Variants in B4GALT1 observed in about 807,000 individuals in gnomAD.
B4GALT1 encodes beta-1,4-galactosyltransferase 1.
In B4GALT1, 16 loss-of-function variants were observed where a neutral mutation model predicts 34.9. The ratio of observed to expected loss-of-function variants is 0.46; its 90% confidence interval spans 0.31 to 0.70. B4GALT1 has a LOEUF of 0.70. Ranked by LOEUF, B4GALT1 falls within the 30% of genes least tolerant of loss-of-function variation. B4GALT1 has a pLI of 0.05. For synonymous variants in B4GALT1, 221 were observed against 218.1 expected (o/e 1.01, Z -0.12); for missense variants, 445 against 530.5 (o/e 0.84, Z 1.58).
intron 5 of B4GALT1, 67 bp downstream of exon 5, chr9:33,113,705 CCA>C: frequency 6.2e-7 from 1 of 1,607,850 alleles, no homozygotes; most frequent in Non-Finnish European, 8.5e-7. Context: ...CCCTCTAGGC[CCA>C]GAGCCTCGGA....
At chr9:33,119,114 G>C (rs1216346462) in intron 3 of B4GALT1, among the ~76,000 whole-genome samples, 1 of 152,142 alleles carries the variant, frequency 6.6e-6, no homozygotes, top group Non-Finnish European at 1.5e-5. Flanking sequence ...TGCCCGCCTC[G>C]GCCTCCCAAA....
intron 1 of B4GALT1, among the ~76,000 whole-genome samples, chr9:33,148,093 C>T (rs1022226507): frequency 2.6e-5 from 4 of 151,874 alleles, no homozygotes; most frequent in African/African-American, 9.7e-5. Context: ...TCTGCAATGT[C>T]TGAGACCAGG....
rs146996656 is a variant in B4GALT1, at chr9:33,135,324, G to C, written c.513C>G (p.Asp171Glu). The C allele has an allele frequency of 6.1e-5, 99 of 1,614,224 alleles. No individual in the cohort carries two copies. The South Asian group carries it at 9.2e-4, about 15-fold the overall frequency. Reference protein sequence around the residue: ...VKMGGRYAPRDCVSPHKVAII... With the variant: ...VKMGGRYAPRECVSPHKVAII... The stretch of plus-strand genomic sequence containing the variant: ...TGGCCACCTTGTGAGGAGAGACGCA[G>C]TCCCTGGGGGCATAGCGGCCGCCCA... The change falls in exon 2 of 6, where the codon GAC becomes GAG. Residue 171 changes from aspartate to glutamate, a missense_variant. Around this residue, in one of 3 missense-constraint regions of B4GALT1, gnomAD observed 349 missense variants for 395.5 expected, o/e 0.88. Transcript: ENST00000379731.
chr9:33,121,041 T>C (rs1587730288), intron 2 of B4GALT1, among the ~76,000 whole-genome samples: 2 of 152,198 alleles, frequency 1.3e-5, no homozygotes, highest in East Asian at 3.9e-4. Context: ...CCAGGAAAGG[T>C]ATCCAGGAAA....
intron 1 of B4GALT1, among the ~76,000 whole-genome samples, chr9:33,165,903 G>A (rs1224370683): frequency 6.6e-6 from 1 of 152,130 alleles, no homozygotes; most frequent in South Asian, 2.1e-4. Flanking sequence ...AGATCATCTG[G>A]GCAAGATAAT....
chr9:33,180,020 T>C, the B4GALT1 span: 9 of 152,192 alleles, frequency 5.9e-5, no homozygotes, highest in Non-Finnish European at 1.2e-4. Context: ...AGATCAGCCA[T>C]GTACCTTCTC....
chr9:33,124,236 G>A (rs1450145990), intron 2 of B4GALT1, among the ~76,000 whole-genome samples: 2 of 152,174 alleles, frequency 1.3e-5, no homozygotes, highest in Non-Finnish European at 2.9e-5. Flanking sequence ...CACAAGAGGC[G>A]GGAAGACGCC....
chr9:33,134,024 T>A (rs1047696652), intron 2 of B4GALT1, among the ~76,000 whole-genome samples: 39 of 152,206 alleles, frequency 2.6e-4, no homozygotes, highest in Admixed American at 2.4e-3. Flanking sequence ...GCAGCCACCA[T>A]CCAATCACAG....
At chr9:33,173,671 T>A in the B4GALT1 span, among the ~76,000 whole-genome samples, 1 of 151,014 alleles carries the variant, frequency 6.6e-6, no homozygotes, top group African/African-American at 2.4e-5. Flanking sequence ...CATGAGCACA[T>A]CTAGCAGCCA....
At chr9:33,116,553 C>T (rs1839943063) in intron 3 of B4GALT1, among the ~76,000 whole-genome samples, 1 of 127,752 alleles carries the variant, frequency 7.8e-6, no homozygotes, top group Admixed American at 9.6e-5. Flanking sequence ...AGGAGTCTCG[C>T]TCTGTAGCCC....
Position 33,113,887 on chromosome 9 carries a change from A to G in B4GALT1, c.960-9T>C. 1 of 1,613,500 alleles carries G rather than the reference A, an allele frequency of 6.2e-7. No individual in the cohort carries two copies. The highest frequency in any genetic ancestry group is 8.5e-7 in the Non-Finnish European group (1 of 1,179,386). ...TGCCTCTAAAAACTAATCTGCAAAG[A>G]GTAAAGGGAAAGTCATTATCACAGA... On this transcript the variant is annotated splice_polypyrimidine_tract_variant and intron_variant, in intron 4 of 5. Coordinates refer to ENST00000379731, the MANE Select transcript of B4GALT1 (RefSeq NM_001497.4).
exon 3 of B4GALT1, chr9:33,104,434 T>G: frequency 5.3e-6 from 1 of 187,562 alleles, no homozygotes; most frequent in Non-Finnish European, 1.1e-5. Context: ...CTTGACTGAG[T>G]CCAGGCTTCA....
chr9:33,166,699 C>A, intron 1 of B4GALT1, 59 bp downstream of exon 1: 1 of 1,457,984 alleles, frequency 6.9e-7, no homozygotes, highest in South Asian at 1.4e-5. Context: ...CTGGGGGACC[C>A]TGTCGGGGAA....
intron 2 of B4GALT1, among the ~76,000 whole-genome samples, chr9:33,128,675 G>A (rs1041005189): frequency 2.6e-5 from 4 of 152,188 alleles, no homozygotes; most frequent in Non-Finnish European, 4.4e-5. Flanking sequence ...CCCAAGCTCC[G>A]TTCCCACACA....
chr9:33,169,711 G>A (rs1039965686), upstream of B4GALT1, among the ~76,000 whole-genome samples: 2 of 151,592 alleles, frequency 1.3e-5, no homozygotes, highest in African/African-American at 4.8e-5. Flanking sequence ...TAGTAGAGAC[G>A]GATTTCACCA....
intron 1 of B4GALT1, among the ~76,000 whole-genome samples, chr9:33,146,406 A>T (rs1297216098): frequency 2.0e-5 from 3 of 152,248 alleles, no homozygotes. Flanking sequence ...AGAAAGGTTT[A>T]GAATGGTCTA....
chr9:33,127,945 A>C (rs552243606), intron 2 of B4GALT1, among the ~76,000 whole-genome samples: 1 of 152,350 alleles, frequency 6.6e-6, no homozygotes, highest in Non-Finnish European at 1.5e-5. Flanking sequence ...CCAGGGCCTG[A>C]GGATGGCACA....
chr9:33,117,541 C>G (rs868455628), intron 3 of B4GALT1, among the ~76,000 whole-genome samples: 8 of 152,156 alleles, frequency 5.3e-5, no homozygotes, highest in Non-Finnish European at 1.2e-4. Flanking sequence ...CCAAACCACA[C>G]CCAGCTCTTT....
chr9:33,154,531 T>C (rs867974416), intron 1 of B4GALT1, among the ~76,000 whole-genome samples: 1 of 152,280 alleles, frequency 6.6e-6, no homozygotes, highest in Non-Finnish European at 1.5e-5. Context: ...ATGAAAACAA[T>C]GCATCTGAAG....
Sources: allele counts gnomAD v4.1 joint callset (sites outside exome capture counted in the v4.1 genomes callset), GRCh38; gene constraint gnomAD v4.1.1; regional missense constraint gnomAD v4.1.1; transcripts MANE v1.5; gene names NCBI Gene and HGNC (gene_info 2026-07-23, HGNC 2026-07-21).